FRMD4A: variants seen among roughly 807,000 people sequenced by gnomAD.
FRMD4A encodes FERM domain containing 4A, also known as FERM domain-containing protein 4A.
FRMD4A carries 29 observed loss-of-function variants against 129.1 expected under a neutral mutation model. That is an observed-to-expected ratio of 0.22 (90% CI 0.17 to 0.31). The LOEUF (loss-of-function observed/expected upper bound fraction) is 0.31. Ranked by LOEUF, FRMD4A falls within the 10% of genes least tolerant of loss-of-function variation. The probability of loss-of-function intolerance (pLI) is 1.00; values close to 1 mark genes in which losing one functional copy is unlikely to be tolerated. For synonymous variants in FRMD4A, 634 were observed against 571.6 expected (o/e 1.11, Z -1.56); for missense variants, 1,272 against 1,375.8 (o/e 0.92, Z 1.19).
intron 2 of FRMD4A, among the ~76,000 whole-genome samples, chr10:14,045,225 A>G (rs116860266): frequency 0.041 from 6,287 of 152,158 alleles, 179 homozygotes; most frequent in Non-Finnish European, 0.06. Flanking sequence ...ACTTCATGTG[A>G]CTTACACTGT....
In FRMD4A at chr10:14,190,387, T is replaced by G. The variant is rs574747129; in HGVS notation, c.45+139671A>C. The stretch of plus-strand genomic sequence containing the variant: ...TGTTTGTTTGTTTTTTGTTCATTTT[T>G]TAGAGTCAGGGTCTTGCTCTGTTGC... On this transcript the variant is annotated intron_variant, in intron 2 of 24. Transcript: ENST00000357447. Among the ~76,000 whole-genome samples, 3 of 152,332 alleles carry G rather than the reference T, an allele frequency of 2.0e-5. No individual in the cohort carries two copies. The South Asian group carries it at 6.2e-4, about 32-fold the overall frequency.
intron 2 of FRMD4A, among the ~76,000 whole-genome samples, chr10:13,913,927 C>G (rs1390984913): frequency 6.6e-6 from 1 of 152,194 alleles, no homozygotes; most frequent in African/African-American, 2.4e-5. Flanking sequence ...CGGGGAGACG[C>G]AGAGGCCTCT....
intron 12 of FRMD4A, 106 bp from the exon 13 acceptor site, chr10:13,707,219 A>G (rs1490279159): frequency 1.2e-6 from 1 of 844,752 alleles, no homozygotes; most frequent in South Asian, 1.5e-5. Context: ...CCTTATCAAA[A>G]CAGAGACCGT....
chr10:13,686,295 C>T (rs573392379), intron 15 of FRMD4A, among the ~76,000 whole-genome samples: 8 of 152,312 alleles, frequency 5.3e-5, no homozygotes, highest in African/African-American at 1.9e-4. Flanking sequence ...AAGACAAAAC[C>T]GAAAAACGTC....
Position 14,082,245 on chromosome 10 carries a change from T to TA in FRMD4A, c.46-223334dup, listed in dbSNP as rs144868847. Reference sequence around the variant, plus strand: ...CTGGGCAACAGAGCGAGACTCCAGATAAAAAAAAAATACAAACACAATCTA... The same window carrying TA: ...CTGGGCAACAGAGCGAGACTCCAGATAAAAAAAAAAATACAAACACAATCTA... On this transcript the variant is annotated intron_variant, in intron 2 of 24. Coordinates refer to ENST00000357447, the MANE Select transcript of FRMD4A (RefSeq NM_018027.5). 3.7e-3 allele frequency among the ~76,000 whole-genome samples: 550 copies of TA among 149,458 alleles called. 3 individuals are homozygous for TA. The highest frequency in any genetic ancestry group is 0.012 in the African/African-American group (509 of 40,744).
chr10:13,980,769 T>C (rs1451234466), intron 2 of FRMD4A, among the ~76,000 whole-genome samples: 1 of 152,168 alleles, frequency 6.6e-6, no homozygotes, highest in Non-Finnish European at 1.5e-5. Context: ...AAAAAAATTG[T>C]TCGTTATTTT....
At chr10:14,255,711 A>C (rs868139506) in intron 2 of FRMD4A, among the ~76,000 whole-genome samples, 3 of 152,166 alleles carry the variant, frequency 2.0e-5, no homozygotes, top group Non-Finnish European at 4.4e-5. Context: ...AATTGAGTTT[A>C]AATTTTGGTT....
Position 13,967,155 on chromosome 10 carries a change from T to G in FRMD4A, c.46-108243A>C, listed in dbSNP as rs1320902911. 3.3e-5 allele frequency among the ~76,000 whole-genome samples: 5 copies of G among 152,070 alleles called. 1 individual carries two copies. The highest frequency in any genetic ancestry group is 5.9e-5 in the Non-Finnish European group (4 of 68,014). The stretch of plus-strand genomic sequence containing the variant: ...ATTGAGACCATCCTGGCTAACACGG[T>G]GAAACCCTGTCTCTACTAAAAATAC... On this transcript the variant is annotated intron_variant, in intron 2 of 24. Coordinates refer to ENST00000357447, the MANE Select transcript of FRMD4A (RefSeq NM_018027.5).
chr10:14,128,606 C>G (rs1403838656), intron 2 of FRMD4A, among the ~76,000 whole-genome samples: 1 of 152,170 alleles, frequency 6.6e-6, no homozygotes, highest in Non-Finnish European at 1.5e-5. Flanking sequence ...CATATCATAC[C>G]TGAGCAAATC....
chr10:13,659,181 T>G, intron 21 of FRMD4A, 142 bp downstream of exon 21: 1 of 773,440 alleles, frequency 1.3e-6, no homozygotes, highest in South Asian at 1.6e-5. Flanking sequence ...TGCTGCCAGC[T>G]TGGTTTTTTA....
chr10:13,888,385 G>A (rs1012153748), intron 2 of FRMD4A, among the ~76,000 whole-genome samples: 1 of 152,098 alleles, frequency 6.6e-6, no homozygotes, highest in African/African-American at 2.4e-5. Flanking sequence ...ACATCTTTTT[G>A]TTGTTGTTCC....
intron 2 of FRMD4A, among the ~76,000 whole-genome samples, chr10:13,943,545 G>A (rs2095308816): frequency 1.4e-5 from 2 of 147,768 alleles, no homozygotes; most frequent in Admixed American, 1.4e-4. Context: ...CTACTTGGGA[G>A]GCTGAGACAG....
At chr10:13,822,162 C>T (rs2093638921) in intron 3 of FRMD4A, among the ~76,000 whole-genome samples, 1 of 152,024 alleles carries the variant, frequency 6.6e-6, no homozygotes, top group Non-Finnish European at 1.5e-5. Context: ...GTGGGCTGAC[C>T]CATCAAGCTA....
intron 6 of FRMD4A, among the ~76,000 whole-genome samples, chr10:13,766,026 AC>A (rs375168700): frequency 1.8e-3 from 277 of 152,360 alleles, no homozygotes; most frequent in African/African-American, 6.5e-3. Flanking sequence ...AGAAAATAAC[AC>A]TTTTAAGTGT....
At position 14,258,462 on chromosome 10, in the gene FRMD4A, G is replaced by C. The variant is rs565600563; in HGVS notation, c.45+71596C>G. On this transcript the variant is annotated intron_variant, in intron 2 of 24. Transcript: ENST00000357447. ...CACATGAAAAAATCCTCAGCACCAC[G>C]CATTATTAGGAAAAAGCAAATTAAA... Among the ~76,000 whole-genome samples the C allele has an allele frequency of 2.2e-4, 33 of 152,104 alleles. No individual in the cohort carries two copies. In the South Asian group the frequency reaches 6.0e-3, roughly 28 times the overall value.
In FRMD4A at chr10:13,683,355, C is replaced by T. The variant is rs548213749; in HGVS notation, c.1118-8311G>A. On this transcript the variant is annotated intron_variant, in intron 15 of 24. Transcript: ENST00000357447. ...ATGCCAGCACTTTGGGAGGCCCTGG[C>T]GGGAGGATTGCTTAATGCCAGGAGT... Among the ~76,000 whole-genome samples, 8 of 151,182 alleles carry T rather than the reference C, an allele frequency of 5.3e-5. No homozygotes were observed. The East Asian group carries it at 1.2e-3, about 22-fold the overall frequency.
At chr10:14,009,254 A>C (rs535584053) in intron 2 of FRMD4A, among the ~76,000 whole-genome samples, 3 of 152,200 alleles carry the variant, frequency 2.0e-5, no homozygotes, top group Non-Finnish European at 4.4e-5. Flanking sequence ...TCCATAGCAG[A>C]AAAAATTACT....
chr10:14,135,421 G>A (rs1282598661), intron 2 of FRMD4A, among the ~76,000 whole-genome samples: 1 of 152,190 alleles, frequency 6.6e-6, no homozygotes, highest in African/African-American at 2.4e-5. Flanking sequence ...ATACCTTACT[G>A]CCAGTTTCTG....
At chr10:13,773,426 C>T (rs1043523405) in intron 6 of FRMD4A, among the ~76,000 whole-genome samples, 1 of 152,202 alleles carries the variant, frequency 6.6e-6, no homozygotes. Flanking sequence ...ATTCTGACAG[C>T]CACTCACGCC....
Sources: gnomAD v4.1 joint callset for allele counts (sites outside exome capture counted in the v4.1 genomes callset) on GRCh38, gnomAD v4.1.1 for gene constraint, MANE v1.5 for transcripts, NCBI Gene and HGNC (gene_info 2026-07-23, HGNC 2026-07-21) for gene names.